CTNNA2: variants seen among roughly 807,000 people sequenced by gnomAD.
CTNNA2 encodes the protein catenin alpha 2.
CTNNA2 carries 42 observed loss-of-function variants against 101.0 expected under a neutral mutation model. The observed-to-expected ratio is 0.42, with a 90% CI of 0.32 to 0.54. The LOEUF is 0.54. CTNNA2 is among the 20% of genes least tolerant of loss of function. The pLI, the probability that CTNNA2 is intolerant of heterozygous loss-of-function variation, is 0.14. For synonymous variants in CTNNA2, 450 were observed against 456.4 expected (o/e 0.99, Z 0.18); for missense variants, 871 against 1,223.1 (o/e 0.71, Z 4.29).
chr2:79,776,567 A>C (rs1229212612), intron 3 of CTNNA2, among the ~76,000 whole-genome samples: 1 of 152,208 alleles, frequency 6.6e-6, no homozygotes, highest in African/African-American at 2.4e-5. Context: ...AGAATTGCCA[A>C]ATATATCCGC....
intron 2 of CTNNA2, among the ~76,000 whole-genome samples, chr2:79,724,491 A>G (rs1686689319): frequency 6.6e-6 from 1 of 151,966 alleles, no homozygotes; most frequent in Admixed American, 6.6e-5. Context: ...TTAGCCACTC[A>G]AGATGTTCAT....
At chr2:79,284,294 A>G (rs1675491357) in intron 2 of CTNNA2, among the ~76,000 whole-genome samples, 1 of 55,984 alleles carries the variant, frequency 1.8e-5, no homozygotes, top group African/African-American at 8.1e-5. Context: ...TTCCAACACT[A>G]TGTTGAATAG....
At chr2:80,492,306 C>T (rs942034552) in intron 9 of CTNNA2, among the ~76,000 whole-genome samples, 1 of 152,138 alleles carries the variant, frequency 6.6e-6, no homozygotes, top group African/African-American at 2.4e-5. Flanking sequence ...CCTGAGGACT[C>T]CCCAGCCATG....
intron 7 of CTNNA2, among the ~76,000 whole-genome samples, chr2:80,096,172 T>G (rs540915620): frequency 6.6e-6 from 1 of 152,186 alleles, no homozygotes; most frequent in Admixed American, 6.5e-5. Flanking sequence ...CACACTGCTT[T>G]GAATGTGTCC....
chr2:80,522,797 A>G (rs754440468), intron 9 of CTNNA2, among the ~76,000 whole-genome samples: 15 of 152,174 alleles, frequency 9.9e-5, no homozygotes, highest in Non-Finnish European at 2.2e-4. Flanking sequence ...AGGCCCGTAC[A>G]GCCTGCAAAA....
intron 7 of CTNNA2, among the ~76,000 whole-genome samples, chr2:80,006,306 C>T (rs1275896521): frequency 1.3e-5 from 2 of 148,164 alleles, no homozygotes; most frequent in African/African-American, 5.0e-5. Flanking sequence ...TAAAATGATA[C>T]ATTTTGCATA....
chr2:79,931,644 G>A (rs1687448951), intron 7 of CTNNA2, among the ~76,000 whole-genome samples: 1 of 152,178 alleles, frequency 6.6e-6, no homozygotes. Flanking sequence ...TACAAAGGTT[G>A]ATCAGTTCTC....
chr2:80,438,212 C>G (rs1156730457), intron 9 of CTNNA2, among the ~76,000 whole-genome samples: 2 of 152,146 alleles, frequency 1.3e-5, no homozygotes, highest in Non-Finnish European at 2.9e-5. Flanking sequence ...TCCCTAGAGT[C>G]TCCTCCTGCG....
chr2:80,118,782 C>T (rs957617447), intron 7 of CTNNA2, among the ~76,000 whole-genome samples: 29 of 152,290 alleles, frequency 1.9e-4, no homozygotes, highest in Middle Eastern at 3.4e-3. Flanking sequence ...GTCGGCATCC[C>T]CAGGCAGAAA....
At chr2:80,149,602 C>T (rs982454967) in intron 7 of CTNNA2, among the ~76,000 whole-genome samples, 7 of 152,154 alleles carry the variant, frequency 4.6e-5, no homozygotes, top group African/African-American at 1.7e-4. Flanking sequence ...CCTTAATATG[C>T]ACCATTTGTG....
intron 7 of CTNNA2, among the ~76,000 whole-genome samples, chr2:79,912,184 T>A (rs1346667176): frequency 6.6e-6 from 1 of 152,178 alleles, no homozygotes; most frequent in Non-Finnish European, 1.5e-5. Flanking sequence ...TAACTGACAT[T>A]TCTGTTTTCT....
chr2:79,837,766 T>A (rs913289337), intron 3 of CTNNA2, among the ~76,000 whole-genome samples: 2 of 152,028 alleles, frequency 1.3e-5, no homozygotes, highest in African/African-American at 4.8e-5. Context: ...TTAAAAAAAA[T>A]CAACAGTTGG....
chr2:79,955,607 C>T (rs1408427692), intron 7 of CTNNA2, among the ~76,000 whole-genome samples: 1 of 152,202 alleles, frequency 6.6e-6, no homozygotes, highest in Non-Finnish European at 1.5e-5. Context: ...GGCTGCAATG[C>T]AATGGTGCAA....
chr2:80,635,507 A>G (rs1672778312), intron 18 of CTNNA2, among the ~76,000 whole-genome samples: 1 of 152,192 alleles, frequency 6.6e-6, no homozygotes, highest in Non-Finnish European at 1.5e-5. Flanking sequence ...GAATTATTTT[A>G]TATAGCTACA....
intron 1 of CTNNA2, among the ~76,000 whole-genome samples, chr2:79,560,088 A>AC: frequency 1.1e-5 from 1 of 89,424 alleles, no homozygotes; most frequent in Non-Finnish European, 2.7e-5. Flanking sequence ...AACGTCAGCT[A>AC]CATTTTTTTT....
intron 4 of CTNNA2, among the ~76,000 whole-genome samples, chr2:79,467,091 G>C (rs940990437): frequency 1.3e-5 from 2 of 152,180 alleles, no homozygotes; most frequent in Non-Finnish European, 2.9e-5. Flanking sequence ...GCTAAAGGAG[G>C]AATTTCAAAC....
chr2:80,431,263 T>A (rs965732317), intron 9 of CTNNA2, among the ~76,000 whole-genome samples: 1 of 152,300 alleles, frequency 6.6e-6, no homozygotes. Flanking sequence ...CAAGGCTCAG[T>A]GGGTATGTAC....
intron 7 of CTNNA2, among the ~76,000 whole-genome samples, chr2:80,092,633 T>A (rs545473775): frequency 3.3e-5 from 5 of 152,212 alleles, no homozygotes; most frequent in African/African-American, 1.2e-4. Context: ...CCCACCCTGC[T>A]AACCTTTCCA....
intron 3 of CTNNA2, among the ~76,000 whole-genome samples, chr2:79,793,389 T>C (rs1414196106): frequency 6.6e-6 from 1 of 152,182 alleles, no homozygotes; most frequent in Non-Finnish European, 1.5e-5. Context: ...GCAGTGGGGC[T>C]GCACCCCAAC....
Sources: gnomAD v4.1 joint callset for allele counts (sites outside exome capture counted in the v4.1 genomes callset) on GRCh38, gnomAD v4.1.1 for gene constraint, MANE v1.5 for transcripts, NCBI Gene and HGNC (gene_info 2026-07-23, HGNC 2026-07-21) for gene names.